The following SPATA31E1 variants were observed in gnomAD, a reference collection of about 807,000 sequenced individuals.
SPATA31E1 encodes spermatogenesis-associated protein 31E1.
Under a neutral mutation model 12.9 loss-of-function variants are expected in SPATA31E1, and 7 were observed. The ratio of observed to expected loss-of-function variants is 0.54; its 90% CI spans 0.31 to 1.02. The LOEUF is 1.02. SPATA31E1 is among the 50% of genes least tolerant of loss of function. The pLI is 0.05. For missense variants in SPATA31E1, 1,961 were observed against 1,799.8 expected (o/e 1.09, Z -1.62); for synonymous variants, 771 against 719.0 (o/e 1.07, Z -1.16).
rs752755586 is a variant in SPATA31E1, at chr9:87,885,571, C to T, written c.1084C>T (p.Gln362Ter). ...GGCTFIHPDV[Q>*]KLLETLIAKR... ...CTGCACATTCATCCACCCTGACGTG[C>T]AGAAGCTGCTGGAGACCCTCATCGC... Residue 362 changes from glutamine to a stop codon, truncating the protein, a stop_gained, in exon 4 of 4, where the codon CAG becomes TAG. Transcript: ENST00000325643. LOFTEE classifies it low-confidence loss of function (END_TRUNC). 9.9e-5 allele frequency: 159 copies of T among 1,614,076 alleles called. 1 individual carries two copies. In the East Asian group the frequency reaches 3.5e-3, roughly 36 times the overall value.
In SPATA31E1 at chr9:87,886,448, T is replaced by G; in HGVS notation, c.1961T>G (p.Leu654Arg). ...AGATTGCAGGCATCTGGGGACCTGC[T>G]ACAGCCTGATGGGGAATTCCCAGGG... is the stretch of plus-strand genomic sequence containing the variant. ...PSRLQASGDL[L>R]QPDGEFPGRP... Residue 654 changes from leucine to arginine, a missense_variant, in exon 4 of 4, where the codon CTA becomes CGA. Leu to Arg is a moderately radical substitution (Grantham distance 102). Transcript: ENST00000325643. 6.2e-7 allele frequency: 1 copy of G among 1,613,852 alleles called. No homozygotes were observed. Among genetic ancestry groups the G allele is most frequent in the Non-Finnish European group, 8.5e-7 (1 of 1,179,926 alleles).
At position 87,884,954 on chromosome 9, in the gene SPATA31E1, C is replaced by G. The variant is rs369531704; in HGVS notation, c.467C>G (p.Pro156Arg). Residue 156 changes from proline (P) to arginine (R), a missense_variant, in exon 4 of 4, where the codon CCC (proline) becomes CGC (arginine). Transcript: ENST00000325643. The part of the protein sequence containing the change: ...KLAGEGSSHL[P>R]LGGDPLGDVC... ...GCTGGCGAAGGCAGCTCCCACCTGC[C>G]CTTAGGTGGAGACCCCCTGGGGGAC... 21 of 1,613,574 alleles carry G rather than the reference C, an allele frequency of 1.3e-5. No homozygotes were observed. The African/African-American group carries it at 2.5e-4, about 19-fold the overall frequency.
In SPATA31E1 at chr9:87,886,592, T is replaced by C. The variant is rs376503518; in HGVS notation, c.2105T>C (p.Phe702Ser). The change falls in exon 4 of 4, where the codon TTC becomes TCC. Residue 702 changes from phenylalanine (F) to serine (S), a missense_variant. By Grantham distance (155) the Phe-to-Ser change is radical (BLOSUM62 -2). Transcript: ENST00000325643. ...QKTGFRSSGR[F>S]SDKGCLGSKL... ...ACCGGGTTCAGGAGCTCCGGAAGGT[T>C]CTCTGACAAGGGGTGCTTAGGGTCC... 3 of 1,613,962 alleles carry C rather than the reference T, an allele frequency of 1.9e-6. No individual in the cohort carries two copies. Among genetic ancestry groups the C allele is most frequent in the Non-Finnish European group, 2.5e-6 (3 of 1,179,996 alleles).
Position 87,885,775 on chromosome 9 carries a change from A to T in SPATA31E1, c.1288A>T (p.Asn430Tyr). ...AGTCTCTGATGCCACAACCGTGGGG[A>T]ACCACTTACAGCAGAAACGCAGCCA... is the stretch of plus-strand genomic sequence containing the variant. ...QQVSDATTVG[N>Y]HLQQKRSQLF... Residue 430 changes from asparagine to tyrosine, a missense_variant, in exon 4 of 4, where the codon AAC (asparagine) becomes TAC (tyrosine). Asn to Tyr is a moderately radical substitution (Grantham distance 143). Transcript: ENST00000325643. 1 of 1,613,950 alleles carries T rather than the reference A, an allele frequency of 6.2e-7. No individual in the cohort carries two copies. Among genetic ancestry groups the T allele is most frequent in the Non-Finnish European group, 8.5e-7 (1 of 1,180,024 alleles).
Position 87,887,513 on chromosome 9 carries a change from G to A in SPATA31E1, c.3026G>A (p.Gly1009Glu). 2 of 1,614,006 alleles carry A rather than the reference G, an allele frequency of 1.2e-6. No homozygotes were observed. The highest frequency in any genetic ancestry group is 2.2e-5 in the South Asian group (2 of 91,088). Residue 1009 changes from glycine to glutamate, a missense_variant, in exon 4 of 4, where the codon GGA (glycine) becomes GAA (glutamate). Physicochemically the swap from Gly to Glu is moderately conservative, Grantham distance 98. Transcript: ENST00000325643. ...CTTGAGAGTGAGAGCATGTCCCCAGGAGACCCCTGTAGTAGCAGAGCCCTG... is the reference window on the plus strand; with the variant it reads ...CTTGAGAGTGAGAGCATGTCCCCAGAAGACCCCTGTAGTAGCAGAGCCCTG... Reference protein sequence around the residue: ...AWLESESMSPGDPCSSRALQV... With the variant: ...AWLESESMSPEDPCSSRALQV...
At position 87,888,312 on chromosome 9, in the gene SPATA31E1, C is replaced by G; in HGVS notation, c.3825C>G (p.His1275Gln). The G allele has an allele frequency of 6.2e-7, 1 of 1,614,146 alleles. No individual in the cohort carries two copies. Among genetic ancestry groups the G allele is most frequent in the Non-Finnish European group, 8.5e-7 (1 of 1,180,022 alleles). The change falls in exon 4 of 4, where the codon CAC becomes CAG. Residue 1275 changes from histidine to glutamine, a missense_variant. Coordinates refer to ENST00000325643, the MANE Select transcript of SPATA31E1 (RefSeq NM_178828.5). ...RKISHHPQGL[H>Q]PRKGGTRWED... ...TCAGTCACCATCCACAGGGTCTACA[C>G]CCCAGGAAAGGAGGCACACGGTGGG...
In SPATA31E1 at chr9:87,886,816, A is replaced by C. The variant is rs1828285497; in HGVS notation, c.2329A>C (p.Lys777Gln). ...IHLARKVGEI[K>Q]EGWIPMPVRR... ...TCTGGCCAGGAAGGTAGGGGAGATC[A>C]AAGAGGGCTGGATCCCCATGCCTGT... Residue 777 changes from lysine to glutamine, a missense_variant, in exon 4 of 4, where the codon AAA (lysine) becomes CAA (glutamine). Coordinates refer to ENST00000325643, the MANE Select transcript of SPATA31E1 (RefSeq NM_178828.5). 1 of 1,614,028 alleles carries C rather than the reference A, an allele frequency of 6.2e-7. No individual in the cohort carries two copies. The highest frequency in any genetic ancestry group is 8.5e-7 in the Non-Finnish European group (1 of 1,180,044).
In SPATA31E1 at chr9:87,885,447, C is replaced by A; in HGVS notation, c.960C>A (p.Thr320=). Residue 320 remains threonine (T), a synonymous_variant, in exon 4 of 4, where the codon ACC becomes ACA. Coordinates refer to ENST00000325643, the MANE Select transcript of SPATA31E1 (RefSeq NM_178828.5). ...CTGCCACCACCTGGGGCCTCTCCACCTACTCACATGGCAAATCCCAGCCAC... is the reference window on the plus strand; with the variant it reads ...CTGCCACCACCTGGGGCCTCTCCACATACTCACATGGCAAATCCCAGCCAC... ...REAATTWGLS[T]YSHGKSQPRH... The A allele has an allele frequency of 1.2e-6, 2 of 1,614,068 alleles. No homozygotes were observed. Among genetic ancestry groups the A allele is most frequent in the Non-Finnish European group, 1.7e-6 (2 of 1,179,994 alleles).
Position 87,887,334 on chromosome 9 carries a change from T to G in SPATA31E1, c.2847T>G (p.Phe949Leu), listed in dbSNP as rs759476736. 3 of 1,613,576 alleles carry G rather than the reference T, an allele frequency of 1.9e-6. No individual in the cohort carries two copies. Among genetic ancestry groups the G allele is most frequent in the East Asian group, 2.2e-5 (1 of 44,846 alleles). ...SADTHGRSEA[F>L]PTGHKGRGCS... Reference sequence around the variant, plus strand: ...ATACCCATGGGCGATCAGAGGCCTTTCCGACTGGACACAAGGGCAGGGGGT... The same window carrying G: ...ATACCCATGGGCGATCAGAGGCCTTGCCGACTGGACACAAGGGCAGGGGGT... The change falls in exon 4 of 4, where the codon TTT (phenylalanine) becomes TTG (leucine). Residue 949 changes from phenylalanine to leucine, a missense_variant. By Grantham distance (22) the Phe-to-Leu change is conservative. Transcript: ENST00000325643.
Position 87,887,030 on chromosome 9 carries a change from G to T in SPATA31E1, c.2543G>T (p.Trp848Leu), listed in dbSNP as rs149963980. 225 of 1,614,084 alleles carry T rather than the reference G, an allele frequency of 1.4e-4. 2 individuals carry two copies. In the East Asian group the frequency reaches 4.6e-3, roughly 33 times the overall value. Residue 848 changes from tryptophan to leucine, a missense_variant, in exon 4 of 4, where the codon TGG becomes TTG. Transcript: ENST00000325643. The part of the protein sequence containing the change: ...HLVRFCVRHS[W>L]GTDLQSLEPI... ...GTAAGGTTCTGTGTGAGGCACAGCT[G>T]GGGTACAGACCTCCAGTCCCTGGAG...
In SPATA31E1 at chr9:87,886,025, C is replaced by A; in HGVS notation, c.1538C>A (p.Ser513Tyr). 6.2e-7 allele frequency: 1 copy of A among 1,613,004 alleles called. No individual in the cohort carries two copies. The highest frequency in any genetic ancestry group is 8.5e-7 in the Non-Finnish European group (1 of 1,179,500). Residue 513 changes from serine (S) to tyrosine (Y), a missense_variant, in exon 4 of 4, where the codon TCC becomes TAC. Physicochemically the swap from Ser to Tyr is moderately radical, Grantham distance 144. Coordinates refer to ENST00000325643, the MANE Select transcript of SPATA31E1 (RefSeq NM_178828.5). ...CATTTCACTCCAGCCTGGCCCCAGTCCCAGCCCCCACCTTTGGCTGAGATC... is the reference window on the plus strand; with the variant it reads ...CATTTCACTCCAGCCTGGCCCCAGTACCAGCCCCCACCTTTGGCTGAGATC... ...PQHFTPAWPQ[S>Y]QPPPLAEIQT...
Position 87,888,121 on chromosome 9 carries a change from A to ACAGGGGAG in SPATA31E1, c.3640_3647dup (p.His1217SerfsTer26). 6.2e-7 allele frequency: 1 copy of ACAGGGGAG among 1,606,820 alleles called. No homozygotes were observed. Among genetic ancestry groups the ACAGGGGAG allele is most frequent in the Non-Finnish European group, 8.5e-7 (1 of 1,176,626 alleles). On this transcript the variant is annotated frameshift_variant, in exon 4 of 4. Coordinates refer to ENST00000325643, the MANE Select transcript of SPATA31E1 (RefSeq NM_178828.5). LOFTEE classifies it low-confidence loss of function (END_TRUNC). Reference sequence around the variant, plus strand: ...GGGCGAGGCCCACAGGAGGCCCAGAACAGGGGAGCAGGGACACAGGTCCAA... The same window carrying ACAGGGGAG: ...GGGCGAGGCCCACAGGAGGCCCAGAACAGGGGAGCAGGGGAGCAGGGACACAGGTCCAA...
At position 87,888,265 on chromosome 9, in the gene SPATA31E1, G is replaced by A. The variant is rs373569516; in HGVS notation, c.3778G>A (p.Glu1260Lys). The A allele has an allele frequency of 6.2e-7, 1 of 1,614,026 alleles. No individual in the cohort carries two copies. The highest frequency in any genetic ancestry group is 8.5e-7 in the Non-Finnish European group (1 of 1,180,046). ...GCTGGAGAAGGGACAGACACCACCAGAAAGCCACTTCCAGAGAAAGATCAG... is the reference window on the plus strand; with the variant it reads ...GCTGGAGAAGGGACAGACACCACCAAAAAGCCACTTCCAGAGAAAGATCAG... ...LQLEKGQTPP[E>K]SHFQRKISHH... The change falls in exon 4 of 4, where the codon GAA becomes AAA. Residue 1260 changes from glutamate to lysine, a missense_variant. Coordinates refer to ENST00000325643, the MANE Select transcript of SPATA31E1 (RefSeq NM_178828.5).
chr9:87,888,140 G>A lies in SPATA31E1; in HGVS notation c.3653G>A (p.Arg1218Lys). 1 of 1,610,382 alleles carries A rather than the reference G, an allele frequency of 6.2e-7. No individual in the cohort carries two copies. The highest frequency in any genetic ancestry group is 8.5e-7 in the Non-Finnish European group (1 of 1,178,364). Residue 1218 changes from arginine (R) to lysine (K), a missense_variant, in exon 4 of 4, where the codon AGG becomes AAG. Coordinates refer to ENST00000325643, the MANE Select transcript of SPATA31E1 (RefSeq NM_178828.5). ...RRPRTGEQGHRSKGPRTSEAS... is the reference protein window; with the variant it reads ...RRPRTGEQGHKSKGPRTSEAS... ...CCCAGAACAGGGGAGCAGGGACACA[G>A]GTCCAAGGGACCCAGGACCTCTGAA...
Position 87,888,847 on chromosome 9 carries a change from G to A in SPATA31E1, c.*22G>A, listed in dbSNP as rs2117900150. ...CTGAACTAGACCAGTCTTCTTGCAT[G>A]TCTCCTGGGGGAGACAGGGGGTTCT... On this transcript the variant is annotated 3_prime_UTR_variant, in exon 4 of 4. Coordinates refer to ENST00000325643, the MANE Select transcript of SPATA31E1 (RefSeq NM_178828.5). The A allele has an allele frequency of 1.3e-6, 2 of 1,567,482 alleles. No individual in the cohort carries two copies. The highest frequency in any genetic ancestry group is 1.8e-5 in the Admixed American group (1 of 55,376).
chr9:87,883,871 C>T, intron 1 of SPATA31E1, 121 bp from the exon 2 acceptor site: 1 of 1,071,262 alleles, frequency 9.3e-7, no homozygotes, highest in Non-Finnish European at 1.4e-6. Flanking sequence ...AAAGCACACA[C>T]AGAGCTCCCT....
In SPATA31E1 at chr9:87,888,243, G is replaced by A; in HGVS notation, c.3756G>A (p.Leu1252=). ...KQERKYNQLQ[L]EKGQTPPESH... Reference sequence around the variant, plus strand: ...AAAGGAAATACAACCAGCTTCAGCTGGAGAAGGGACAGACACCACCAGAAA... The same window carrying A: ...AAAGGAAATACAACCAGCTTCAGCTAGAGAAGGGACAGACACCACCAGAAA... The change falls in exon 4 of 4, where the codon CTG becomes CTA. Residue 1252 remains leucine, a synonymous_variant. Transcript: ENST00000325643. 5.0e-6 allele frequency: 8 copies of A among 1,614,134 alleles called. No individual in the cohort carries two copies. Among genetic ancestry groups the A allele is most frequent in the Non-Finnish European group, 6.8e-6 (8 of 1,180,046 alleles).
rs1396157038 is a variant in SPATA31E1 at position 87,886,424 on chromosome 9, G to C, written c.1937G>C (p.Arg646Thr). 3 of 1,613,956 alleles carry C rather than the reference G, an allele frequency of 1.9e-6. No individual in the cohort carries two copies. The highest frequency in any genetic ancestry group is 1.7e-5 in the Admixed American group (1 of 60,008). The change falls in exon 4 of 4, where the codon AGA becomes ACA. Residue 646 changes from arginine (R) to threonine (T), a missense_variant. Coordinates refer to ENST00000325643, the MANE Select transcript of SPATA31E1 (RefSeq NM_178828.5). Reference sequence around the variant, plus strand: ...GAGCAGTCCTGTGGCCCTCCCAGCAGATTGCAGGCATCTGGGGACCTGCTA... The same window carrying C: ...GAGCAGTCCTGTGGCCCTCCCAGCACATTGCAGGCATCTGGGGACCTGCTA... ...HQEQSCGPPS[R>T]LQASGDLLQP...
At position 87,887,131 on chromosome 9, in the gene SPATA31E1, G is replaced by GT; in HGVS notation, c.2645dup (p.Ser883IlefsTer4). 1 of 1,614,084 alleles carries GT rather than the reference G, an allele frequency of 6.2e-7. No homozygotes were observed. Among genetic ancestry groups the GT allele is most frequent in the Non-Finnish European group, 8.5e-7 (1 of 1,180,024 alleles). On this transcript the variant is annotated frameshift_variant, in exon 4 of 4. Transcript: ENST00000325643. LOFTEE classifies it low-confidence loss of function (END_TRUNC). The stretch of plus-strand genomic sequence containing the variant: ...CACCTTTACCCCCTGGGCCTCCTGG[G>GT]TATCTCGGGTTGAATCTGTACCCAA...
Sources: allele counts gnomAD v4.1 joint callset, GRCh38; gene constraint gnomAD v4.1.1; transcripts MANE v1.5; gene names NCBI Gene and HGNC (gene_info 2026-07-23, HGNC 2026-07-21).